Variants in OCA2 observed in about 807,000 individuals in gnomAD.
The protein encoded by OCA2 is P protein.
A neutral mutation model predicts 100.2 loss-of-function variants in OCA2; 77 were observed. The ratio of observed to expected loss-of-function variants is 0.77; its 90% CI spans 0.64 to 0.93. The LOEUF (loss-of-function observed/expected upper bound fraction) is 0.93. Among genes scored for constraint, OCA2 ranks in the 40% least tolerant of loss-of-function variants. The pLI is 0.00. For missense variants in OCA2, 1,062 were observed against 1,089.1 expected, an observed-to-expected ratio of 0.98 and a Z score of 0.35; for synonymous variants, 432 against 439.2, an observed-to-expected ratio of 0.98 and a Z score of 0.21.
chr15:27,752,087 G>A (rs1441615429), downstream of OCA2, among the ~76,000 whole-genome samples: 2 of 152,226 alleles, frequency 1.3e-5, no homozygotes, highest in Non-Finnish European at 2.9e-5. Flanking sequence ...CTGCCACGTT[G>A]CCTGCGTGGG....
At chr15:27,952,633 CTCTT>C (rs1052465149) in intron 17 of OCA2, among the ~76,000 whole-genome samples, 36 of 152,028 alleles carry the variant, frequency 2.4e-4, no homozygotes, top group Admixed American at 6.5e-4. Context: ...CAGGTCCTTT[CTCTT>C]TCTTTCTTTC....
chr15:28,081,713 C>G lies in OCA2; in HGVS notation c.162G>C (p.Gly54=), dbSNP rs1391198560. 6.2e-7 allele frequency: 1 copy of G among 1,613,664 alleles called. No individual in the cohort carries two copies. The highest frequency in any genetic ancestry group is 1.1e-5 in the South Asian group (1 of 91,080). ...GADPSHSCPR[G]AAGQSSWAPA... The stretch of plus-strand genomic sequence containing the variant: ...GAGCCCAAGAGCTCTGCCCGGCAGC[C>G]CCCCTGGGGCAGGAGTGCGAGGGGT... The change falls in exon 2 of 24, where the codon GGG becomes GGC. Residue 54 remains glycine (G), a synonymous_variant. Coordinates refer to ENST00000354638, the MANE Select transcript of OCA2 (RefSeq NM_000275.3).
intron 2 of OCA2, among the ~76,000 whole-genome samples, chr15:28,055,244 G>A (rs2043653579): frequency 1.3e-5 from 2 of 152,202 alleles, no homozygotes; most frequent in Admixed American, 1.3e-4. Flanking sequence ...TATATAAAAT[G>A]TGGCCAGTTA....
chr15:27,950,555 C>T (rs2039993526), intron 18 of OCA2: 1 of 517,916 alleles, frequency 1.9e-6, no homozygotes, highest in Non-Finnish European at 3.9e-6. Flanking sequence ...TTGAACCAAG[C>T]CCAGGCCACC....
At chr15:27,833,064 C>T (rs1179810028) in intron 23 of OCA2, among the ~76,000 whole-genome samples, 1 of 152,170 alleles carries the variant, frequency 6.6e-6, no homozygotes, top group South Asian at 2.1e-4. Flanking sequence ...GATCTGCCCG[C>T]CTCAGCCTCC....
At chr15:27,736,494 T>A in the OCA2 span, among the ~76,000 whole-genome samples, 1 of 151,832 alleles carries the variant, frequency 6.6e-6, no homozygotes, top group South Asian at 2.1e-4. Flanking sequence ...CTACATGGAG[T>A]TTTCAGTAGT....
At chr15:27,749,776 A>T in the OCA2 span, among the ~76,000 whole-genome samples, 1 of 152,232 alleles carries the variant, frequency 6.6e-6, no homozygotes, top group African/African-American at 2.4e-5. Context: ...AAATCTAACA[A>T]AACTTGTCCA....
At chr15:27,902,980 C>A (rs1193285880) in intron 19 of OCA2, among the ~76,000 whole-genome samples, 1 of 152,214 alleles carries the variant, frequency 6.6e-6, no homozygotes, top group Non-Finnish European at 1.5e-5. Context: ...TCGATCCCCT[C>A]GGGAGCACCC....
At chr15:27,913,835 AAAG>A (rs2038502980) in intron 19 of OCA2, among the ~76,000 whole-genome samples, 2 of 54,872 alleles carry the variant, frequency 3.6e-5, no homozygotes, top group African/African-American at 1.3e-4. Context: ...AGAAAGAAAG[AAAG>A]GAAAGAAAGA....
chr15:27,824,466 G>A (rs895510853), intron 23 of OCA2, among the ~76,000 whole-genome samples: 1 of 151,310 alleles, frequency 6.6e-6, no homozygotes, highest in Admixed American at 6.6e-5. Flanking sequence ...TCAAGTTTAA[G>A]GAAGTAAAAG....
chr15:27,880,975 G>C (rs1343384558), intron 19 of OCA2, among the ~76,000 whole-genome samples: 1 of 152,114 alleles, frequency 6.6e-6, no homozygotes, highest in Non-Finnish European at 1.5e-5. Context: ...CCCTTGTCTA[G>C]TATGATACTG....
At position 28,014,784 on chromosome 15, in the gene OCA2, T is replaced by C. The variant is rs1375088412; in HGVS notation, c.1036A>G (p.Ile346Val). Residue 346 changes from isoleucine (I) to valine (V), a missense_variant, in exon 9 of 24, where the codon ATA becomes GTA. Transcript: ENST00000354638. ...GCAGGTGTGAAAGTTACCTCAAATA[T>C]GATCAGCGCGTAGACGCCCGCGAGG... is the stretch of plus-strand genomic sequence containing the variant. ...AILAGVYALI[I>V]FEIVHRTLAA... 5.0e-6 allele frequency: 8 copies of C among 1,613,038 alleles called. No homozygotes were observed. In the Admixed American group the frequency reaches 5.0e-5, roughly 10 times the overall value.
chr15:27,961,201 C>T (rs542484575), intron 15 of OCA2, among the ~76,000 whole-genome samples: 2 of 152,168 alleles, frequency 1.3e-5, no homozygotes, highest in Non-Finnish European at 2.9e-5. Context: ...TGAAAAAAAG[C>T]TCATTACCAC....
chr15:27,917,835 T>C (rs2140312052), intron 19 of OCA2, among the ~76,000 whole-genome samples: 1 of 152,168 alleles, frequency 6.6e-6, no homozygotes, highest in Middle Eastern at 3.4e-3. Flanking sequence ...CAGTTGATTG[T>C]CCCTTTTGGG....
At position 28,096,250 on chromosome 15, in the gene OCA2, CGTGTCTCTGGGGCTTGGTA is replaced by C. The variant is rs1479109296; in HGVS notation, c.-22+2955_-22+2973del. Reference sequence around the variant, plus strand: ...GTGGTTGTGTCTCCTGGGGCGTGGTCGTGTCTCTGGGGCTTGGTAGTGTCTCCGGGGGCATGGCCTGTCT... The same window carrying C: ...GTGGTTGTGTCTCCTGGGGCGTGGTCGTGTCTCCGGGGGCATGGCCTGTCT... On this transcript the variant is annotated intron_variant, in intron 1 of 23. Coordinates refer to ENST00000354638, the MANE Select transcript of OCA2 (RefSeq NM_000275.3). 1.1e-4 allele frequency among the ~76,000 whole-genome samples: 16 copies of C among 144,482 alleles called. No homozygotes were observed. In the East Asian group the frequency reaches 3.3e-3, roughly 30 times the overall value. 94.8% of individuals were successfully genotyped at this position (144,482 alleles called of 152,430 possible). A position where few individuals can be genotyped will look rare whatever the true frequency, so the allele number is the denominator to read the frequency against.
intron 19 of OCA2, among the ~76,000 whole-genome samples, chr15:27,910,700 G>A (rs2038359377): frequency 6.6e-6 from 1 of 151,602 alleles, no homozygotes; most frequent in Non-Finnish European, 1.5e-5. Context: ...GCTCACACCT[G>A]TAATCCCAGC....
At chr15:27,862,309 C>T (rs1374623727) in intron 21 of OCA2, among the ~76,000 whole-genome samples, 2 of 152,056 alleles carry the variant, frequency 1.3e-5, no homozygotes. Flanking sequence ...TGGTCATCAG[C>T]CTCGAGTCCT....
chr15:28,079,038 AG>A lies in OCA2; in HGVS notation c.227+2609del, dbSNP rs564918671. Among the ~76,000 whole-genome samples, 196 of 152,314 alleles carry A rather than the reference AG, an allele frequency of 1.3e-3. 1 individual carries two copies. The highest frequency in any genetic ancestry group is 4.5e-3 in the African/African-American group (188 of 41,580). On this transcript the variant is annotated intron_variant, in intron 2 of 23. Transcript: ENST00000354638. ...TCTCCTGCAGAAACAACAGAAAACG[AG>A]GCTACAAGGGGATGATTCCCTGAGA...
chr15:27,830,004 G>A (rs7183532), intron 23 of OCA2, among the ~76,000 whole-genome samples: 22,498 of 151,992 alleles, frequency 0.15, 2,483 homozygotes, highest in East Asian at 0.54. Context: ...TTATTTTAAG[G>A]TTTATTACAA....
Sources: gnomAD v4.1 joint callset for allele counts (sites outside exome capture counted in the v4.1 genomes callset) on GRCh38, gnomAD v4.1.1 for gene constraint, MANE v1.5 for transcripts, NCBI Gene and HGNC (gene_info 2026-07-23, HGNC 2026-07-21) for gene names.